Variants in SNX19 observed in about 807,000 individuals in gnomAD.
The protein encoded by SNX19 is sorting nexin 19, also known as sorting nexin-19.
SNX19 carries 60 observed loss-of-function variants against 85.2 expected under a neutral mutation model. That is an observed-to-expected ratio of 0.70 (90% CI 0.57 to 0.87). SNX19 has a LOEUF of 0.87. SNX19 is among the 40% of genes least tolerant of loss of function. The probability of loss-of-function intolerance (pLI) is 0.00; values close to 1 mark genes in which losing one functional copy is unlikely to be tolerated. For synonymous variants in SNX19, 520 were observed against 470.0 expected (o/e 1.11, Z -1.38); for missense variants, 1,201 against 1,217.8 (o/e 0.99, Z 0.21).
In SNX19 at chr11:130,914,305, A is replaced by T; in HGVS notation, c.1635T>A (p.Ser545Arg). ...GTGTGTATGGGTGGAATCCAGTGCC[A>T]CTGTGCTCTCGGGCTGTAATGGTGC... The part of the protein sequence containing the change: ...ITGTITAREH[S>R]GTGFHPYTLY... The change falls in exon 1 of 11, where the codon AGT becomes AGA. Residue 545 changes from serine (S) to arginine (R), a missense_variant. Transcript: ENST00000265909. 1 of 1,604,376 alleles carries T rather than the reference A, an allele frequency of 6.2e-7. No homozygotes were observed. Among genetic ancestry groups the T allele is most frequent in the Non-Finnish European group, 8.5e-7 (1 of 1,175,066 alleles).
chr11:130,875,540 G>GA lies in SNX19; in HGVS notation c.*2881dup, dbSNP rs1463368143. On this transcript the variant is annotated 3_prime_UTR_variant, in exon 11 of 11. Coordinates refer to ENST00000265909, the MANE Select transcript of SNX19 (RefSeq NM_014758.3). ...ATTATGTGTTTCTTTACAACAATAA[G>GA]AAAATCACCTTGTAAACTGGAAATT... 1 of 152,206 alleles carries GA rather than the reference G, an allele frequency of 6.6e-6. No homozygotes were observed. The highest frequency in any genetic ancestry group is 1.9e-4 in the East Asian group (1 of 5,188). 9.4% of individuals were successfully genotyped at this position (152,206 alleles called of 1,614,324 possible).
intron 1 of SNX19, 125 bp from the exon 2 acceptor site, chr11:130,911,896 G>T: frequency 1.1e-6 from 1 of 908,956 alleles, no homozygotes; most frequent in South Asian, 1.6e-5. Context: ...AAGGGAGGGA[G>T]TATGTTCCTA....
At position 130,867,485 on chromosome 11, in the gene SNX19, A is replaced by G. The variant is rs1942816928; in HGVS notation, c.*10937T>C. 1 of 152,152 alleles carries G rather than the reference A, an allele frequency of 6.6e-6. No homozygotes were observed. The highest frequency in any genetic ancestry group is 1.5e-5 in the Non-Finnish European group (1 of 68,030). 9.4% of individuals were successfully genotyped at this position (152,152 alleles called of 1,614,324 possible). ...AATTTAAGGATGTGGCTTCTTTTTCATATCTGTATGGTATCTTTACTCAAC... is the reference window on the plus strand; with the variant it reads ...AATTTAAGGATGTGGCTTCTTTTTCGTATCTGTATGGTATCTTTACTCAAC... On this transcript the variant is annotated 3_prime_UTR_variant, in exon 11 of 11. Coordinates refer to ENST00000265909, the MANE Select transcript of SNX19 (RefSeq NM_014758.3).
intron 8 of SNX19, 61 bp from the exon 9 acceptor site, chr11:130,880,867 C>T (rs987802430): frequency 2.3e-5 from 31 of 1,368,136 alleles, no homozygotes; most frequent in African/African-American, 8.6e-5. Context: ...AACAAGGCAG[C>T]GGACTGACTG....
chr11:130,907,897 T>C (rs1263207074), intron 5 of SNX19, 56 bp downstream of exon 5: 16 of 1,602,898 alleles, frequency 1.0e-5, no homozygotes, highest in East Asian at 8.9e-5. Flanking sequence ...TGGCTGAGGA[T>C]TGGGGATCAA....
intron 2 of SNX19, among the ~76,000 whole-genome samples, chr11:130,910,658 C>T (rs1168425953): frequency 6.6e-6 from 1 of 152,164 alleles, no homozygotes; most frequent in African/African-American, 2.4e-5. Context: ...TGTTTCTCTT[C>T]TACAAGATGA....
chr11:130,905,117 C>G (rs927078044), intron 7 of SNX19, among the ~76,000 whole-genome samples: 2 of 152,160 alleles, frequency 1.3e-5, no homozygotes, highest in Non-Finnish European at 2.9e-5. Context: ...AACTGATATA[C>G]TTATTTTAAG....
intron 6 of SNX19, 51 bp downstream of exon 6, chr11:130,906,574 A>T: frequency 7.8e-7 from 1 of 1,279,460 alleles, no homozygotes; most frequent in Non-Finnish European, 1.1e-6. Context: ...TAACTGCAGG[A>T]CCAACATCTC....
In SNX19 at chr11:130,903,335, T is replaced by C. The variant is rs916042002; in HGVS notation, c.2493A>G (p.Leu831=). The C allele has an allele frequency of 5.0e-6, 8 of 1,613,600 alleles. No homozygotes were observed. Among genetic ancestry groups the C allele is most frequent in the Non-Finnish European group, 5.9e-6 (7 of 1,179,924 alleles). ...ATAGCCATTTCCACTGTTCTGTTAG[T>C]AGCAAGAGGAGCAGATCCAGGGCTG... is the stretch of plus-strand genomic sequence containing the variant. ...ADTALDLLLL[L]LTEQWKWLCT... is the part of the protein sequence containing the mutation. The change falls in exon 8 of 11, where the codon CTA becomes CTG. Residue 831 remains leucine (L), a synonymous_variant. Coordinates refer to ENST00000265909, the MANE Select transcript of SNX19 (RefSeq NM_014758.3).
At chr11:130,884,825 T>C (rs1943940825) in intron 8 of SNX19, among the ~76,000 whole-genome samples, 1 of 134,146 alleles carries the variant, frequency 7.5e-6, no homozygotes, top group South Asian at 2.3e-4. Flanking sequence ...TGAGCCAAGA[T>C]CACGCCACTG....
At chr11:130,895,038 T>G (rs1022026478) in intron 8 of SNX19, 40 of 985,312 alleles carry the variant, frequency 4.1e-5, no homozygotes, top group Admixed American at 6.1e-5. Context: ...TCCAAGTTCT[T>G]GCTTTCCATG....
chr11:130,878,618 G>A (rs2135270692), intron 10 of SNX19, 64 bp from the exon 11 acceptor site: 1 of 1,558,852 alleles, frequency 6.4e-7, no homozygotes, highest in Non-Finnish European at 8.7e-7. Context: ...TCCTGTTTAT[G>A]ACATTTATTT....
rs549094056 is a variant in SNX19, at chr11:130,877,705, G to A, written c.*717C>T. 2.0e-5 allele frequency: 3 copies of A among 152,762 alleles called. No individual in the cohort carries two copies. The highest frequency in any genetic ancestry group is 4.2e-4 in the South Asian group (2 of 4,816). The allele number at this position is 152,762 out of a possible 1,614,324, so 9.5% of individuals were successfully genotyped here. A position where few individuals can be genotyped will look rare whatever the true frequency, so the allele number is the denominator to read the frequency against. On this transcript the variant is annotated 3_prime_UTR_variant, in exon 11 of 11. Transcript: ENST00000265909. Reference sequence around the variant, plus strand: ...TGGTATAAATGCCTTTCAGGAAAGGGTGTGAAGGGTGGGGTGGATTTACCA... The same window carrying A: ...TGGTATAAATGCCTTTCAGGAAAGGATGTGAAGGGTGGGGTGGATTTACCA...
intron 8 of SNX19, 167 bp downstream of exon 8, chr11:130,903,088 C>A: frequency 1.2e-6 from 1 of 858,578 alleles, no homozygotes; most frequent in South Asian, 1.8e-5. Context: ...ACAAGGTAGT[C>A]AATAAAAGCT....
rs554200347 is a variant in SNX19, at chr11:130,910,374, C to CAA, written c.1814-5_1814-4insTT. ...AGCTTTTTAGGACCCTTCACATCTT[C>CAA]CAAAAAAAAAAAAAATCAAAATATT... On this transcript the variant is annotated splice_region_variant and splice_polypyrimidine_tract_variant and intron_variant, in intron 2 of 10. Transcript: ENST00000265909. 653 of 983,234 alleles carry CAA rather than the reference C, an allele frequency of 6.6e-4. 2 individuals are homozygous for CAA. The highest frequency in any genetic ancestry group is 1.1e-3 in the South Asian group (53 of 48,742). 60.9% of individuals were successfully genotyped at this position (983,234 alleles called of 1,614,324 possible).
intron 8 of SNX19, among the ~76,000 whole-genome samples, chr11:130,891,020 A>G (rs1412849226): frequency 6.6e-6 from 1 of 152,106 alleles, no homozygotes; most frequent in African/African-American, 2.4e-5. Context: ...CATGGCACAC[A>G]GTTCAAAATA....
At chr11:130,902,627 T>C (rs2135377494) in intron 8 of SNX19, among the ~76,000 whole-genome samples, 2 of 152,316 alleles carry the variant, frequency 1.3e-5, no homozygotes, top group East Asian at 3.9e-4. Flanking sequence ...TAACAAAGCT[T>C]ACATCAGTTC....
At position 130,873,490 on chromosome 11, in the gene SNX19, A is replaced by T. The variant is rs1285015899; in HGVS notation, c.*4932T>A. 6.6e-6 allele frequency among the ~76,000 whole-genome samples: 1 copy of T among 152,188 alleles called. No homozygotes were observed. Among genetic ancestry groups the T allele is most frequent in the East Asian group, 1.9e-4 (1 of 5,178 alleles). Reference sequence around the variant, plus strand: ...GGATATACTACGTAGACTCAGAGGCAGATTGACATGGTTTGTATCTAGGCT... The same window carrying T: ...GGATATACTACGTAGACTCAGAGGCTGATTGACATGGTTTGTATCTAGGCT... On this transcript the variant is annotated 3_prime_UTR_variant, in exon 11 of 11. Coordinates refer to ENST00000265909, the MANE Select transcript of SNX19 (RefSeq NM_014758.3).
At chr11:130,903,071 G>A in intron 8 of SNX19, 184 bp downstream of exon 8, 1 of 699,106 alleles carries the variant, frequency 1.4e-6, no homozygotes, top group Non-Finnish European at 2.3e-6. Flanking sequence ...CTTTCAAATT[G>A]TAGACAACAA....
Sources: allele counts gnomAD v4.1 joint callset (sites outside exome capture counted in the v4.1 genomes callset), GRCh38; gene constraint gnomAD v4.1.1; transcripts MANE v1.5; gene names NCBI Gene and HGNC (gene_info 2026-07-23, HGNC 2026-07-21).